The following SCGB1D1 variants were observed in gnomAD, a reference collection of about 807,000 sequenced individuals.
SCGB1D1 encodes the protein lipophilin A (uteroglobin family member).
In SCGB1D1, 10 loss-of-function variants were observed where a neutral mutation model predicts 8.3. That is an observed-to-expected ratio of 1.21 (90% CI 0.74 to 2.05). The LOEUF (loss-of-function observed/expected upper bound fraction) is 2.05, where lower values mean the gene tolerates loss of function less well. SCGB1D1 is among the 30% of genes most tolerant of loss of function. The pLI is 0.00. For missense variants in SCGB1D1, 94 were observed against 105.1 expected (o/e 0.89, Z 0.46); for synonymous variants, 46 against 41.7 (o/e 1.10, Z -0.39).
intron 1 of SCGB1D1, 104 bp from the exon 2 acceptor site, chr11:62,191,952 T>C (rs778870743): frequency 9.9e-6 from 10 of 1,010,744 alleles, no homozygotes; most frequent in African/African-American, 1.6e-5. Flanking sequence ...AGTTATTGAA[T>C]AGAAGCCTAA....
chr11:62,191,390 T>A (rs929955042), intron 1 of SCGB1D1, among the ~76,000 whole-genome samples: 1 of 152,192 alleles, frequency 6.6e-6, no homozygotes, highest in Non-Finnish European at 1.5e-5. Context: ...AGTTCCCTCC[T>A]CTCATCCTCT....
In SCGB1D1 at chr11:62,193,379, T is replaced by C; in HGVS notation, c.244-20T>C. ...CTGCATGACCGACCTCACCTTCCTTTCTTTCCTTTTCTATTTCAGGGAAAA... is the reference window on the plus strand; with the variant it reads ...CTGCATGACCGACCTCACCTTCCTTCCTTTCCTTTTCTATTTCAGGGAAAA... On this transcript the variant is annotated intron_variant, in intron 2 of 2. Coordinates refer to ENST00000306238, the MANE Select transcript of SCGB1D1 (RefSeq NM_006552.2). 6.2e-7 allele frequency: 1 copy of C among 1,612,186 alleles called. No homozygotes were observed.
rs1000960646 is a variant in SCGB1D1, at chr11:62,193,310, G to A, written c.244-89G>A. Reference sequence around the variant, plus strand: ...TACCCTTCAATTGTCTTTGGGAGCAGAATTCCATCGGCCACTTGGATGTTA... The same window carrying A: ...TACCCTTCAATTGTCTTTGGGAGCAAAATTCCATCGGCCACTTGGATGTTA... On this transcript the variant is annotated intron_variant, in intron 2 of 2. Transcript: ENST00000306238. 4.1e-6 allele frequency: 5 copies of A among 1,229,398 alleles called. No homozygotes were observed. The African/African-American group carries it at 7.5e-5, about 19-fold the overall frequency. 76.2% of individuals were successfully genotyped at this position (1,229,398 alleles called of 1,614,324 possible).
At position 62,190,280 on chromosome 11, in the gene SCGB1D1, C is replaced by A; in HGVS notation, c.-5C>A. Reference sequence around the variant, plus strand: ...AAAGCCGAGCTCACAGCAGAATAAGCCACCATGAGGCTGTCGGTGTGTCTC... The same window carrying A: ...AAAGCCGAGCTCACAGCAGAATAAGACACCATGAGGCTGTCGGTGTGTCTC... On this transcript the variant is annotated 5_prime_UTR_variant, in exon 1 of 3. Transcript: ENST00000306238. The A allele has an allele frequency of 6.2e-7, 1 of 1,614,140 alleles. No homozygotes were observed. The highest frequency in any genetic ancestry group is 8.5e-7 in the Non-Finnish European group (1 of 1,180,006).
At chr11:62,193,171 CT>C (rs1384097775) in intron 2 of SCGB1D1, among the ~76,000 whole-genome samples, 4 of 152,204 alleles carry the variant, frequency 2.6e-5, no homozygotes, top group Admixed American at 1.3e-4. Context: ...TCTGTCCCCC[CT>C]CTATGAGGAC....
At position 62,190,457 on chromosome 11, in the gene SCGB1D1, T is replaced by C. The variant is rs1278305038; in HGVS notation, c.55+118T>C. 3.2e-6 allele frequency: 4 copies of C among 1,236,584 alleles called. No homozygotes were observed. The East Asian group carries it at 7.3e-5, about 23-fold the overall frequency. 76.6% of individuals were successfully genotyped at this position (1,236,584 alleles called of 1,614,324 possible). On this transcript the variant is annotated intron_variant, in intron 1 of 2. Transcript: ENST00000306238. ...GAACAAACCAAAATTCCAAACCTTA[T>C]CCTGTGCTTGTTGAAGGAACTGCTC... is the stretch of plus-strand genomic sequence containing the variant.
At chr11:62,192,392 G>A (rs866153158) in intron 2 of SCGB1D1, 149 bp downstream of exon 2, 3 of 662,284 alleles carry the variant, frequency 4.5e-6, no homozygotes, top group Middle Eastern at 4.4e-4. Context: ...GGGACCACAG[G>A]GTGGGTGCTA....
In SCGB1D1 at chr11:62,190,230, G is replaced by C. The variant is rs985931703; in HGVS notation, c.-55G>C. On this transcript the variant is annotated 5_prime_UTR_variant, in exon 1 of 3. Transcript: ENST00000306238. The stretch of plus-strand genomic sequence containing the variant: ...CACGGCTCCACAGGCTCCCGGGGCT[G>C]AGTCTAAATCACTCATCATTGGTTA... 6.2e-7 allele frequency: 1 copy of C among 1,611,124 alleles called. No homozygotes were observed. Among genetic ancestry groups the C allele is most frequent in the African/African-American group, 1.3e-5 (1 of 74,990 alleles).
At chr11:62,192,509 G>A (rs1409309448) in intron 2 of SCGB1D1, among the ~76,000 whole-genome samples, 1 of 152,202 alleles carries the variant, frequency 6.6e-6, no homozygotes, top group East Asian at 1.9e-4. Flanking sequence ...CTGAGGACAT[G>A]GGGAGTGAGC....
chr11:62,193,492 G>A lies in SCGB1D1; in HGVS notation c.*64G>A. On this transcript the variant is annotated 3_prime_UTR_variant, in exon 3 of 3. Transcript: ENST00000306238. Reference sequence around the variant, plus strand: ...CAATGATACCCTGATCTTCACTGCAGAATGTAAAGGTTTCAACGTCTTGCT... The same window carrying A: ...CAATGATACCCTGATCTTCACTGCAAAATGTAAAGGTTTCAACGTCTTGCT... 7.3e-7 allele frequency: 1 copy of A among 1,372,498 alleles called. No homozygotes were observed. The highest frequency in any genetic ancestry group is 1.0e-6 in the Non-Finnish European group (1 of 968,412). The allele number at this position is 1,372,498 out of a possible 1,614,324, so 85.0% of individuals were successfully genotyped here. A position where few individuals can be genotyped will look rare whatever the true frequency, so the allele number is the denominator to read the frequency against.
At chr11:62,190,475 A>T (rs536290566) in intron 1 of SCGB1D1, 136 bp downstream of exon 1, 1 of 1,032,138 alleles carries the variant, frequency 9.7e-7, no homozygotes, top group Non-Finnish European at 1.4e-6. Flanking sequence ...TTGTTGAAGG[A>T]ACTGCTCATA....
At chr11:62,191,314 C>T (rs1944676287) in intron 1 of SCGB1D1, among the ~76,000 whole-genome samples, 1 of 152,100 alleles carries the variant, frequency 6.6e-6, no homozygotes, top group African/African-American at 2.4e-5. Context: ...AATGGAGATT[C>T]CAGACCAAGC....
intron 1 of SCGB1D1, among the ~76,000 whole-genome samples, 153 bp downstream of exon 1, chr11:62,190,492 G>A (rs117638576): frequency 0.016 from 2,418 of 152,202 alleles, 122 homozygotes; most frequent in Admixed American, 0.11. Flanking sequence ...CATAAAGCTC[G>A]GGCCTCATTT....
chr11:62,191,972 G>A (rs1944681012), intron 1 of SCGB1D1, 84 bp from the exon 2 acceptor site: 1 of 1,248,698 alleles, frequency 8.0e-7, no homozygotes, highest in African/African-American at 1.5e-5. Flanking sequence ...AAACCCTGGG[G>A]TTCCTGTCTG....
At position 62,190,354 on chromosome 11, in the gene SCGB1D1, C is replaced by T; in HGVS notation, c.55+15C>T. 7 of 1,614,142 alleles carry T rather than the reference C, an allele frequency of 4.3e-6. No homozygotes were observed. Among genetic ancestry groups the T allele is most frequent in the Non-Finnish European group, 5.9e-6 (7 of 1,179,988 alleles). ...CTGCTACCGGGGTGAGTACATCAGT[C>T]ATGAGTCCAGCACCAGCCCTTGGGA... is the stretch of plus-strand genomic sequence containing the variant. On this transcript the variant is annotated intron_variant, in intron 1 of 2. Coordinates refer to ENST00000306238, the MANE Select transcript of SCGB1D1 (RefSeq NM_006552.2).
At chr11:62,192,312 C>T in intron 2 of SCGB1D1, 69 bp downstream of exon 2, 1 of 1,395,952 alleles carries the variant, frequency 7.2e-7, no homozygotes, top group Non-Finnish European at 9.9e-7. Context: ...GGTCAGCTTG[C>T]TTGCTGCTCT....
At chr11:62,193,328 G>T in intron 2 of SCGB1D1, 71 bp from the exon 3 acceptor site, 1 of 1,393,882 alleles carries the variant, frequency 7.2e-7, no homozygotes, top group Non-Finnish European at 1.0e-6. Flanking sequence ...TCGGCCACTT[G>T]GATGTTAACC....
intron 2 of SCGB1D1, among the ~76,000 whole-genome samples, chr11:62,192,939 G>T (rs1279570733): frequency 6.6e-6 from 1 of 152,214 alleles, no homozygotes. Context: ...TTGCTGTCCT[G>T]AGGTTTAGCT....
rs1268342916 is a variant in SCGB1D1 at position 62,192,165 on chromosome 11, T to C, written c.165T>C (p.Ala55=). 2.5e-6 allele frequency: 4 copies of C among 1,613,898 alleles called. No individual in the cohort carries two copies. The highest frequency in any genetic ancestry group is 1.7e-5 in the Admixed American group (1 of 60,006). Reference sequence around the variant, plus strand: ...CCAAATTTAAGGCACCTCTGGAAGCTGTTGCAGCCAAGATGGAAGTGAAGA... The same window carrying C: ...CCAAATTTAAGGCACCTCTGGAAGCCGTTGCAGCCAAGATGGAAGTGAAGA... The part of the protein sequence containing the change: ...QLAKFKAPLE[A]VAAKMEVKKC... Residue 55 remains alanine (A), a synonymous_variant, in exon 2 of 3, where the codon GCT becomes GCC. Coordinates refer to ENST00000306238, the MANE Select transcript of SCGB1D1 (RefSeq NM_006552.2).
Sources: gnomAD v4.1 joint callset for allele counts (sites outside exome capture counted in the v4.1 genomes callset) on GRCh38, gnomAD v4.1.1 for gene constraint, MANE v1.5 for transcripts, NCBI Gene and HGNC (gene_info 2026-07-23, HGNC 2026-07-21) for gene names.